The following GRIN2B variants were observed in gnomAD, a reference collection of about 807,000 sequenced individuals.
GRIN2B encodes the protein glutamate receptor ionotropic, NMDA 2B.
GRIN2B carries 5 observed loss-of-function variants against 114.5 expected under a neutral mutation model. The ratio of observed to expected loss-of-function variants is 0.04; its 90% confidence interval spans 0.02 to 0.09. GRIN2B has a LOEUF of 0.09. Among genes scored for constraint, GRIN2B ranks in the 10% least tolerant of loss-of-function variants. The pLI, the probability that GRIN2B is intolerant of heterozygous loss-of-function variation, is 1.00. For missense variants in GRIN2B, 1,108 were observed against 1,943.5 expected (o/e 0.57, Z 8.08); for synonymous variants, 787 against 745.1 (o/e 1.06, Z -0.92).
intron 2 of GRIN2B, among the ~76,000 whole-genome samples, chr12:13,907,524 AAGAGTACTATTGCT>A (rs1417518996): frequency 6.6e-6 from 1 of 152,012 alleles, no homozygotes; most frequent in African/African-American, 2.4e-5. Flanking sequence ...CTCCAGACAC[AAGAGTACTATTGCT>A]TGATTCCCTT....
At chr12:13,813,795 A>G (rs898927112) in intron 3 of GRIN2B, among the ~76,000 whole-genome samples, 2 of 152,328 alleles carry the variant, frequency 1.3e-5, no homozygotes, top group African/African-American at 2.4e-5. Context: ...ATACATGTCA[A>G]TAGGGGTGTG....
chr12:13,574,964 T>C (rs1329961379), intron 10 of GRIN2B, among the ~76,000 whole-genome samples: 1 of 152,202 alleles, frequency 6.6e-6, no homozygotes, highest in Non-Finnish European at 1.5e-5. Flanking sequence ...GGAGATAGGA[T>C]GGCCTTTAAC....
chr12:13,980,806 A>G (rs1450890367), intron 1 of GRIN2B, among the ~76,000 whole-genome samples: 1 of 152,136 alleles, frequency 6.6e-6, no homozygotes, highest in Admixed American at 6.5e-5. Flanking sequence ...CTCCAGCAGC[A>G]GCGCCGCCTC....
intron 10 of GRIN2B, among the ~76,000 whole-genome samples, chr12:13,602,043 C>A (rs1949168082): frequency 6.6e-6 from 1 of 152,070 alleles, no homozygotes; most frequent in African/African-American, 2.4e-5. Flanking sequence ...TGGAGGTCAC[C>A]CTGGCAGGAA....
intron 2 of GRIN2B, among the ~76,000 whole-genome samples, chr12:13,866,957 T>C (rs1041895825): frequency 6.6e-6 from 1 of 152,202 alleles, no homozygotes; most frequent in African/African-American, 2.4e-5. Flanking sequence ...TCTAAGACCA[T>C]GAACCAATCA....
chr12:13,965,570 C>CACAG (rs1184603519), intron 2 of GRIN2B, among the ~76,000 whole-genome samples: 2 of 151,480 alleles, frequency 1.3e-5, no homozygotes, highest in African/African-American at 2.4e-5. Context: ...CACACACACA[C>CACAG]ACACACACAC....
Position 13,553,430 on chromosome 12 carries a change from A to G in GRIN2B, c.*9353T>C, listed in dbSNP as rs1948441383. ...AAAGTGCTCAATTACCTCAACTCTTATCCTCCCTTTGGGAGAAGTGATCCT... is the reference window on the plus strand; with the variant it reads ...AAAGTGCTCAATTACCTCAACTCTTGTCCTCCCTTTGGGAGAAGTGATCCT... On this transcript the variant is annotated 3_prime_UTR_variant, in exon 14 of 14. Transcript: ENST00000609686. 1 of 152,228 alleles carries G rather than the reference A, an allele frequency of 6.6e-6. No individual in the cohort carries two copies. The highest frequency in any genetic ancestry group is 1.5e-5 in the Non-Finnish European group (1 of 68,038). 9.4% of individuals were successfully genotyped at this position (152,228 alleles called of 1,614,324 possible). A position where few individuals can be genotyped will look rare whatever the true frequency, so the allele number is the denominator to read the frequency against.
At chr12:13,768,767 G>T (rs1863848920) in intron 3 of GRIN2B, among the ~76,000 whole-genome samples, 1 of 152,228 alleles carries the variant, frequency 6.6e-6, no homozygotes, top group Non-Finnish European at 1.5e-5. Context: ...CGGCACGGTG[G>T]CTCACGCCTG....
At chr12:13,826,225 C>T (rs890433710) in intron 3 of GRIN2B, among the ~76,000 whole-genome samples, 3 of 152,094 alleles carry the variant, frequency 2.0e-5, no homozygotes, top group Non-Finnish European at 4.4e-5. Flanking sequence ...AATCCCAGCA[C>T]TTTGGGAGGC....
chr12:13,553,321 GAGT>G lies in GRIN2B; in HGVS notation c.*9459_*9461del, dbSNP rs1416032242. On this transcript the variant is annotated 3_prime_UTR_variant, in exon 14 of 14. Transcript: ENST00000609686. ...AATCCCTTTATATTTACAGAGAAAGGAGTAGTTTAGAGACTAGCATTCTCTCTG... is the reference window on the plus strand; with the variant it reads ...AATCCCTTTATATTTACAGAGAAAGGAGTTTAGAGACTAGCATTCTCTCTG... The G allele has an allele frequency of 6.6e-6, 1 of 152,188 alleles. No homozygotes were observed. Among genetic ancestry groups the G allele is most frequent in the Non-Finnish European group, 1.5e-5 (1 of 68,030 alleles). The allele number at this position is 152,188 out of a possible 1,614,324, so 9.4% of individuals were successfully genotyped here.
chr12:13,782,772 T>C (rs1327451917), intron 3 of GRIN2B, among the ~76,000 whole-genome samples: 1 of 152,208 alleles, frequency 6.6e-6, no homozygotes, highest in Non-Finnish European at 1.5e-5. Flanking sequence ...CACATATTTT[T>C]ATCTCCCCAT....
At chr12:13,718,687 A>G (rs777745923) in intron 4 of GRIN2B, among the ~76,000 whole-genome samples, 4 of 152,064 alleles carry the variant, frequency 2.6e-5, no homozygotes, top group East Asian at 1.9e-4. Flanking sequence ...AGACAATCAC[A>G]TGATATCCCT....
Position 13,615,015 on chromosome 12 carries a change from CCTT to C in GRIN2B, c.1654+96_1654+98del, listed in dbSNP as rs1251928114. Reference sequence around the variant, plus strand: ...GCTGAGTTGAGCTCCTAGCAAACCACCTTCTAGCTGGAACAGCCTGGCCATGTG... The same window carrying C: ...GCTGAGTTGAGCTCCTAGCAAACCACCTAGCTGGAACAGCCTGGCCATGTG... On this transcript the variant is annotated intron_variant, in intron 8 of 13. Coordinates refer to ENST00000609686, the MANE Select transcript of GRIN2B (RefSeq NM_000834.5). This position sits in a 1 kb window ranked among gnomAD's most constrained non-coding sequence, Gnocchi z 5.8. 8.9e-7 allele frequency: 1 copy of C among 1,126,334 alleles called. No individual in the cohort carries two copies. The highest frequency in any genetic ancestry group is 1.4e-6 in the Non-Finnish European group (1 of 736,930). 69.8% of individuals were successfully genotyped at this position (1,126,334 alleles called of 1,614,324 possible). A position where few individuals can be genotyped will look rare whatever the true frequency, so the allele number is the denominator to read the frequency against.
intron 5 of GRIN2B, among the ~76,000 whole-genome samples, chr12:13,666,837 G>A (rs898885273): frequency 2.6e-5 from 4 of 152,118 alleles, no homozygotes; most frequent in African/African-American, 9.7e-5. Context: ...TGCATATGAA[G>A]GACAATCAGG....
rs1040110394 is a variant in GRIN2B, at chr12:13,828,073, T to C, written c.411+37725A>G. Reference sequence around the variant, plus strand: ...CCATTTTTTTCTTGTTTATGGGTCATATTTCCTACTGTGTATGTGTGTATG... The same window carrying C: ...CCATTTTTTTCTTGTTTATGGGTCACATTTCCTACTGTGTATGTGTGTATG... On this transcript the variant is annotated intron_variant, in intron 3 of 13. Transcript: ENST00000609686. 5.9e-5 allele frequency among the ~76,000 whole-genome samples: 9 copies of C among 152,370 alleles called. No individual in the cohort carries two copies. In the East Asian group the frequency reaches 1.5e-3, roughly 26 times the overall value.
At chr12:13,823,409 C>T (rs761332984) in intron 3 of GRIN2B, among the ~76,000 whole-genome samples, 1 of 151,740 alleles carries the variant, frequency 6.6e-6, no homozygotes, top group Non-Finnish European at 1.5e-5. Context: ...TAATTTTTTC[C>T]ATGGTTTTGA....
Position 13,548,187 on chromosome 12 carries a change from C to T in GRIN2B, c.*14596G>A, listed in dbSNP as rs1249904993. The T allele has an allele frequency of 6.6e-6, 1 of 151,514 alleles. No individual in the cohort carries two copies. Among genetic ancestry groups the T allele is most frequent in the African/African-American group, 2.4e-5 (1 of 41,268 alleles). 9.4% of individuals were successfully genotyped at this position (151,514 alleles called of 1,614,324 possible). On this transcript the variant is annotated 3_prime_UTR_variant, in exon 14 of 14. Coordinates refer to ENST00000609686, the MANE Select transcript of GRIN2B (RefSeq NM_000834.5). Reference sequence around the variant, plus strand: ...GCAAGCTCTGGGCTCTAAAATTGAGCTTATCTTCTCTGTCTTTCATAGGAT... The same window carrying T: ...GCAAGCTCTGGGCTCTAAAATTGAGTTTATCTTCTCTGTCTTTCATAGGAT...
chr12:13,959,543 C>G (rs2136859457), intron 2 of GRIN2B, among the ~76,000 whole-genome samples: 1 of 152,184 alleles, frequency 6.6e-6, no homozygotes, highest in East Asian at 1.9e-4. Flanking sequence ...CTGCACTAAG[C>G]AGTAGCCATG....
At chr12:13,715,907 T>C (rs1950451131) in intron 4 of GRIN2B, among the ~76,000 whole-genome samples, 2 of 151,956 alleles carry the variant, frequency 1.3e-5, no homozygotes, top group African/African-American at 4.8e-5. Context: ...CAGTAGAATT[T>C]TATCTCTATG....
Sources: allele counts gnomAD v4.1 joint callset (sites outside exome capture counted in the v4.1 genomes callset), GRCh38; gene constraint gnomAD v4.1.1; non-coding constraint Gnocchi (gnomAD v3.1); transcripts MANE v1.5; gene names NCBI Gene and HGNC (gene_info 2026-07-23, HGNC 2026-07-21).